The following MSH3 variants were observed in gnomAD, a reference collection of about 807,000 sequenced individuals.
MSH3 encodes the protein mutS homolog 3, also known as DNA mismatch repair protein Msh3.
In MSH3, 106 loss-of-function variants were observed where a neutral mutation model predicts 123.3. The observed-to-expected ratio is 0.86, with a 90% CI of 0.73 to 1.01. The LOEUF (loss-of-function observed/expected upper bound fraction) is 1.01, where lower values mean the gene tolerates loss of function less well. Among genes scored for constraint, MSH3 ranks in the 50% least tolerant of loss-of-function variants. The probability of loss-of-function intolerance (pLI) is 0.00; values close to 1 mark genes in which losing one functional copy is unlikely to be tolerated. For synonymous variants in MSH3, 515 were observed against 481.4 expected, an observed-to-expected ratio of 1.07 and a Z score of -0.91; for missense variants, 1,459 against 1,347.6, an observed-to-expected ratio of 1.08 and a Z score of -1.29.
intron 10 of MSH3, among the ~76,000 whole-genome samples, chr5:80,729,460 GTATATA>G (rs376372477): frequency 7.4e-5 from 7 of 95,032 alleles, no homozygotes; most frequent in African/African-American, 2.9e-4. Flanking sequence ...GTGTGTGTGT[GTATATA>G]TATATATATA....
At chr5:80,836,333 C>T (rs1745509035) in intron 20 of MSH3, among the ~76,000 whole-genome samples, 1 of 152,100 alleles carries the variant, frequency 6.6e-6, no homozygotes, top group South Asian at 2.1e-4. Flanking sequence ...GTGCAAGACA[C>T]TCTGCTTAAC....
In MSH3 at chr5:80,725,488, A is replaced by T. The variant is rs185229240; in HGVS notation, c.1376A>T (p.Asp459Val). The change falls in exon 9 of 24, where the codon GAT becomes GTT. Residue 459 changes from aspartate (D) to valine (V), a missense_variant. Coordinates refer to ENST00000265081, the MANE Select transcript of MSH3 (RefSeq NM_002439.5). ...QDDRIRVERM[D>V]NIYFEYSHAF... Reference sequence around the variant, plus strand: ...GACAGAATTCGAGTCGAAAGGATGGATAACATTTATTTTGAATACAGCCAT... The same window carrying T: ...GACAGAATTCGAGTCGAAAGGATGGTTAACATTTATTTTGAATACAGCCAT... 1 of 1,613,920 alleles carries T rather than the reference A, an allele frequency of 6.2e-7. No homozygotes were observed. Among genetic ancestry groups the T allele is most frequent in the East Asian group, 2.2e-5 (1 of 44,834 alleles).
At chr5:80,662,987 C>A (rs945027536) in intron 2 of MSH3, among the ~76,000 whole-genome samples, 3 of 152,030 alleles carry the variant, frequency 2.0e-5, no homozygotes, top group Non-Finnish European at 4.4e-5. Context: ...GTATTCCTAA[C>A]GCTTTGAGAG....
intron 10 of MSH3, among the ~76,000 whole-genome samples, chr5:80,729,458 G>GTC (rs1250723529): frequency 1.2e-5 from 1 of 81,574 alleles, no homozygotes; most frequent in Non-Finnish European, 2.6e-5. Context: ...GTGTGTGTGT[G>GTC]TGTATATATA....
At chr5:80,854,063 A>G in intron 20 of MSH3, 67 bp from the exon 21 acceptor site, 1 of 1,263,566 alleles carries the variant, frequency 7.9e-7, no homozygotes, top group African/African-American at 1.5e-5. Flanking sequence ...ATTGTTCATA[A>G]AATAATGTTC....
chr5:80,733,402 A>G (rs929926804), intron 10 of MSH3, among the ~76,000 whole-genome samples: 1 of 152,172 alleles, frequency 6.6e-6, no homozygotes, highest in African/African-American at 2.4e-5. Flanking sequence ...AAATCTTTGT[A>G]ACCTTGAATG....
chr5:80,672,209 T>C (rs749171449), intron 4 of MSH3, 35 bp from the exon 5 acceptor site: 1 of 1,429,250 alleles, frequency 7.0e-7, no homozygotes, highest in Admixed American at 1.7e-5. Flanking sequence ...TCTTAAAATA[T>C]AAATTTATTG....
At chr5:80,702,966 C>G (rs940388123) in intron 8 of MSH3, among the ~76,000 whole-genome samples, 5 of 152,162 alleles carry the variant, frequency 3.3e-5, no homozygotes, top group Non-Finnish European at 7.3e-5. Context: ...GAGCCGAGAT[C>G]ATGCCACTGC....
intron 23 of MSH3, among the ~76,000 whole-genome samples, chr5:80,873,823 G>A (rs1044116015): frequency 1.3e-5 from 2 of 152,070 alleles, no homozygotes; most frequent in Admixed American, 1.3e-4. Context: ...CCACCTTTAC[G>A]CTTGCTATCC....
At chr5:80,752,410 T>C (rs1007453638) in intron 12 of MSH3, among the ~76,000 whole-genome samples, 2 of 152,178 alleles carry the variant, frequency 1.3e-5, no homozygotes, top group Non-Finnish European at 2.9e-5. Context: ...CAGCTATCTT[T>C]AGAGATAGTT....
chr5:80,715,550 G>T (rs1750942223), intron 8 of MSH3, among the ~76,000 whole-genome samples: 2 of 152,130 alleles, frequency 1.3e-5, no homozygotes, highest in Admixed American at 1.3e-4. Context: ...GTGCTCTGTT[G>T]TATTAGTTTG....
chr5:80,723,268 C>G (rs1751125965), intron 8 of MSH3, among the ~76,000 whole-genome samples: 1 of 151,968 alleles, frequency 6.6e-6, no homozygotes, highest in African/African-American at 2.4e-5. Flanking sequence ...ATATAGATGC[C>G]AAGCCCTAGA....
rs1946220 is a variant in MSH3 at position 80,799,559 on chromosome 5, G to T, written c.2655+6715G>T. Among the ~76,000 whole-genome samples the T allele has an allele frequency of 4.8e-4, 35 of 73,600 alleles. No homozygotes were observed. The South Asian group carries it at 0.018, about 37-fold the overall frequency. The allele number at this position is 73,600 out of a possible 152,430, so 48.3% of individuals were successfully genotyped here. On this transcript the variant is annotated intron_variant, in intron 19 of 23. Transcript: ENST00000265081. ...CAGAAAATTAGCTTTTCAGGTCTTA[G>T]AAATTAACATGTGACAGTTTTATTT...
At chr5:80,841,271 A>G (rs1470219456) in intron 20 of MSH3, among the ~76,000 whole-genome samples, 1 of 152,188 alleles carries the variant, frequency 6.6e-6, no homozygotes, top group Non-Finnish European at 1.5e-5. Context: ...TCCATGGTGT[A>G]TATGTGCCAT....
At chr5:80,656,299 G>A in intron 1 of MSH3, 112 bp from the exon 2 acceptor site, 1 of 1,379,644 alleles carries the variant, frequency 7.2e-7, no homozygotes, top group Non-Finnish European at 1.0e-6. Context: ...ATTCTTTGAA[G>A]AGTGGATGGC....
At chr5:80,671,868 T>C (rs1052364926) in intron 4 of MSH3, among the ~76,000 whole-genome samples, 2 of 152,218 alleles carry the variant, frequency 1.3e-5, no homozygotes, top group South Asian at 4.1e-4. Flanking sequence ...CTCTGTAGTG[T>C]CTTCTAAATG....
intron 19 of MSH3, among the ~76,000 whole-genome samples, chr5:80,795,538 G>C (rs1744681699): frequency 6.6e-6 from 1 of 152,054 alleles, no homozygotes; most frequent in African/African-American, 2.4e-5. Context: ...TCTCTCTCAG[G>C]CCCTCATGAA....
At chr5:80,832,875 A>C (rs1291563396) in intron 20 of MSH3, among the ~76,000 whole-genome samples, 1 of 152,104 alleles carries the variant, frequency 6.6e-6, no homozygotes, top group Non-Finnish European at 1.5e-5. Flanking sequence ...TCTTTTCCTA[A>C]TTGCAGTATT....
Position 80,784,228 on chromosome 5 carries a change from A to G in MSH3, c.2436-3337A>G, listed in dbSNP as rs1360467046. ...ACTACGTCGCAAAAAAAAAAAAAAA[A>G]AAAAAAAAAAAGGGAAATAAATAAA... On this transcript the variant is annotated intron_variant, in intron 17 of 23. Transcript: ENST00000265081. Among the ~76,000 whole-genome samples, 5 of 138,926 alleles carry G rather than the reference A, an allele frequency of 3.6e-5. 2 individuals carry two copies. The highest frequency in any genetic ancestry group is 1.4e-4 in the African/African-American group (5 of 34,534). 91.1% of individuals were successfully genotyped at this position (138,926 alleles called of 152,430 possible). A position where few individuals can be genotyped will look rare whatever the true frequency, so the allele number is the denominator to read the frequency against.
Sources: gnomAD v4.1 joint callset for allele counts (sites outside exome capture counted in the v4.1 genomes callset) on GRCh38, gnomAD v4.1.1 for gene constraint, MANE v1.5 for transcripts, NCBI Gene and HGNC (gene_info 2026-07-23, HGNC 2026-07-21) for gene names.